Variants in XDH observed in about 807,000 individuals in gnomAD.
XDH encodes the protein xanthine dehydrogenase.
Under a neutral mutation model 156.1 loss-of-function variants are expected in XDH, and 138 were observed. That is an observed-to-expected ratio of 0.88 (90% confidence interval 0.77 to 1.02). XDH has a LOEUF of 1.02. Among genes scored for constraint, XDH ranks in the 50% least tolerant of loss-of-function variants. The pLI, the probability that XDH is intolerant of heterozygous loss-of-function variation, is 0.00. For synonymous variants in XDH, 669 were observed against 625.7 expected, an observed-to-expected ratio of 1.07 and a Z score of -1.03; for missense variants, 1,849 against 1,684.9, an observed-to-expected ratio of 1.10 and a Z score of -1.71.
intron 1 of XDH, among the ~76,000 whole-genome samples, chr2:31,414,307 A>G (rs554646551): frequency 6.6e-6 from 1 of 152,146 alleles, no homozygotes; most frequent in East Asian, 2.0e-4. Context: ...AATCTCACCT[A>G]GAACTCAACT....
At chr2:31,337,512 G>T in intron 35 of XDH, 129 bp downstream of exon 35, 1 of 1,270,964 alleles carries the variant, frequency 7.9e-7, no homozygotes, top group Non-Finnish European at 1.1e-6. Context: ...ATGAAGGGTG[G>T]CCATTGATGC....
chr2:31,386,760 T>G (rs1255694217), intron 8 of XDH, among the ~76,000 whole-genome samples: 1 of 152,110 alleles, frequency 6.6e-6, no homozygotes, highest in Admixed American at 6.5e-5. Flanking sequence ...GGAGGCATTA[T>G]GAGCCTCATT....
At chr2:31,363,026 G>A (rs1045911611) in intron 24 of XDH, among the ~76,000 whole-genome samples, 7 of 152,156 alleles carry the variant, frequency 4.6e-5, no homozygotes, top group African/African-American at 1.7e-4. Flanking sequence ...CTATAATATA[G>A]ATGGGCCGGA....
intron 17 of XDH, 73 bp from the exon 18 acceptor site, chr2:31,370,551 C>T (rs1374271175): frequency 6.3e-7 from 1 of 1,592,748 alleles, no homozygotes; most frequent in African/African-American, 1.3e-5. Context: ...GTTGGACAAC[C>T]CTGTTCTTAT....
At position 31,370,467 on chromosome 2, in the gene XDH, G is replaced by T. The variant is rs45448694; in HGVS notation, c.1868C>A (p.Thr623Lys). The T allele has an allele frequency of 8.7e-6, 14 of 1,614,032 alleles. No individual in the cohort carries two copies. The highest frequency in any genetic ancestry group is 1.1e-5 in the Non-Finnish European group (13 of 1,180,004). Residue 623 changes from threonine (T) to lysine (K), a missense_variant, in exon 18 of 36, where the codon ACA becomes AAA. Thr to Lys is a moderately conservative substitution (Grantham distance 78). Coordinates refer to ENST00000379416, the MANE Select transcript of XDH (RefSeq NM_000379.4). ...CCCTGGAACCTTCTTAGCTTCTGAT[G>T]TATCTATGGACCTGCAAGAATGAGT... ...RAHAKIKSID[T>K]SEAKKVPGFV...
In XDH at chr2:31,372,335, C is replaced by T. The variant is rs141831710; in HGVS notation, c.1749G>A (p.Ala583=). ...CGGCCTCACCAGAGGCCTGCATGTC[C>T]GCTGCCAGGTGGGGCAGGGGCCGGC... is the stretch of plus-strand genomic sequence containing the variant. ...MVGRPLPHLA[A]DMQASGEAVY... is the part of the protein sequence containing the mutation. Residue 583 remains alanine, a synonymous_variant, in exon 17 of 36, where the codon GCG becomes GCA. Coordinates refer to ENST00000379416, the MANE Select transcript of XDH (RefSeq NM_000379.4). 2.1e-4 allele frequency: 333 copies of T among 1,614,166 alleles called. No homozygotes were observed. In the Middle Eastern group the frequency reaches 2.1e-3, roughly 10 times the overall value.
rs893620757 is a variant in XDH, at chr2:31,336,001, G to A, written c.3959C>T (p.Thr1320Ile). ...GGGTTTGCAGTTTTCTGGGACACCA[G>A]TGACACACTAGGAAGGAATGATAGT... ...CVDKFTTLCV[T>I]GVPENCKPWS... Residue 1320 changes from threonine (T) to isoleucine (I), a missense_variant, in exon 36 of 36, where the codon ACT becomes ATT. Physicochemically the swap from Thr to Ile is moderately conservative, Grantham distance 89 (BLOSUM62 -1). Coordinates refer to ENST00000379416, the MANE Select transcript of XDH (RefSeq NM_000379.4). 3.1e-6 allele frequency: 5 copies of A among 1,614,176 alleles called. No individual in the cohort carries two copies. Among genetic ancestry groups the A allele is most frequent in the Non-Finnish European group, 3.4e-6 (4 of 1,180,034 alleles).
At position 31,375,717 on chromosome 2, in the gene XDH, G is replaced by A. The variant is rs45597234; in HGVS notation, c.1428-163C>T. On this transcript the variant is annotated intron_variant, in intron 14 of 35. Transcript: ENST00000379416. Reference sequence around the variant, plus strand: ...TTAGGCAACTTTAATTAATCTCATTGAGCCTGTTTCCTCATCTTCAAAAAT... The same window carrying A: ...TTAGGCAACTTTAATTAATCTCATTAAGCCTGTTTCCTCATCTTCAAAAAT... 4.2e-3 allele frequency among the ~76,000 whole-genome samples: 636 copies of A among 152,288 alleles called. 3 individuals are homozygous for A. Among genetic ancestry groups the A allele is most frequent in the African/African-American group, 0.015 (613 of 41,542 alleles).
intron 30 of XDH, 116 bp downstream of exon 30, chr2:31,346,653 T>C (rs927626847): frequency 1.2e-5 from 15 of 1,245,020 alleles, no homozygotes; most frequent in Non-Finnish European, 1.8e-5. Flanking sequence ...CCTCAACTTC[T>C]CTCTGCTGTT....
chr2:31,375,323 C>A, intron 15 of XDH, 57 bp downstream of exon 15: 1 of 1,612,542 alleles, frequency 6.2e-7, no homozygotes, highest in East Asian at 2.2e-5. Flanking sequence ...CCCAGACCAA[C>A]TTCTTATATC....
In XDH at chr2:31,366,028, T is replaced by C; in HGVS notation, c.2404A>G (p.Lys802Glu). Residue 802 changes from lysine (K) to glutamate (E), a missense_variant, in exon 22 of 36, where the codon AAG becomes GAG. Lys to Glu is a moderately conservative substitution (Grantham distance 56). Transcript: ENST00000379416. ...GACACCACAGTGCTCCGGGTCTCCT[T>C]GCCTCCAAAGCCTCCTCCCATTCTC... Reference protein sequence around the residue: ...VKRMGGGFGGKETRSTVVSTA... With the variant: ...VKRMGGGFGGEETRSTVVSTA... 6.2e-7 allele frequency: 1 copy of C among 1,614,172 alleles called. No individual in the cohort carries two copies. Among genetic ancestry groups the C allele is most frequent in the Non-Finnish European group, 8.5e-7 (1 of 1,180,016 alleles).
At chr2:31,386,033 G>C (rs899471287) in intron 9 of XDH, among the ~76,000 whole-genome samples, 36 of 152,214 alleles carry the variant, frequency 2.4e-4, no homozygotes, top group African/African-American at 8.2e-4. Flanking sequence ...AGAGTACCTG[G>C]CTCATGCTCG....
chr2:31,354,315 T>C (rs1685568734), intron 24 of XDH, among the ~76,000 whole-genome samples: 1 of 152,210 alleles, frequency 6.6e-6, no homozygotes. Flanking sequence ...AACATCGTCA[T>C]CACCACCATC....
intron 20 of XDH, among the ~76,000 whole-genome samples, chr2:31,367,367 C>T (rs993749006): frequency 3.9e-5 from 6 of 152,200 alleles, no homozygotes; most frequent in African/African-American, 9.7e-5. Flanking sequence ...CGCATGTTCC[C>T]GAACCTAAGC....
At chr2:31,347,788 G>A (rs1283430189) in intron 28 of XDH, 138 bp from the exon 29 acceptor site, 1 of 1,200,028 alleles carries the variant, frequency 8.3e-7, no homozygotes, top group Non-Finnish European at 1.2e-6. Context: ...TGTCTGGGAT[G>A]TCCTTACATC....
chr2:31,403,302 A>G (rs1687111228), intron 2 of XDH, among the ~76,000 whole-genome samples, 158 bp from the exon 3 acceptor site: 2 of 152,176 alleles, frequency 1.3e-5, no homozygotes. Context: ...CTCCTTATTC[A>G]GAGGGGCTGC....
intron 15 of XDH, among the ~76,000 whole-genome samples, chr2:31,375,019 C>CTTTTTTTTTT (rs757150117): frequency 4.0e-5 from 4 of 101,232 alleles, no homozygotes; most frequent in African/African-American, 1.5e-4. Flanking sequence ...TTCTTTCTTT[C>CTTTTTTTTTT]TTTCTTTTTT....
intron 33 of XDH, among the ~76,000 whole-genome samples, chr2:31,340,971 T>C (rs1207421467): frequency 6.6e-6 from 1 of 152,170 alleles, no homozygotes; most frequent in Non-Finnish European, 1.5e-5. Context: ...TCTTCTGACC[T>C]CAGACCCCAC....
At chr2:31,375,281 C>T in intron 15 of XDH, 99 bp downstream of exon 15, 1 of 1,478,430 alleles carries the variant, frequency 6.8e-7, no homozygotes, top group Non-Finnish European at 9.5e-7. Flanking sequence ...ATTCTGCCCT[C>T]AGATGTCCAG....
Sources: allele counts gnomAD v4.1 joint callset (sites outside exome capture counted in the v4.1 genomes callset), GRCh38; gene constraint gnomAD v4.1.1; transcripts MANE v1.5; gene names NCBI Gene and HGNC (gene_info 2026-07-23, HGNC 2026-07-21).